Variants in GLIS1 observed in about 807,000 individuals in gnomAD.
GLIS1 encodes the protein GLIS family zinc finger 1, also known as zinc finger protein GLIS1.
A neutral mutation model predicts 63.8 loss-of-function variants in GLIS1; 24 were observed. The ratio of observed to expected loss-of-function variants is 0.38; its 90% CI spans 0.27 to 0.53. The LOEUF (loss-of-function observed/expected upper bound fraction) is 0.53. Among genes scored for constraint, GLIS1 ranks in the 20% least tolerant of loss-of-function variants. GLIS1 has a pLI of 0.85. For synonymous variants in GLIS1, 450 were observed against 482.5 expected (o/e 0.93, Z 0.88); for missense variants, 1,036 against 1,074.1 (o/e 0.96, Z 0.50).
At chr1:53,684,753 C>T (rs1232097431) in intron 2 of GLIS1, among the ~76,000 whole-genome samples, 5 of 152,246 alleles carry the variant, frequency 3.3e-5, no homozygotes, top group Non-Finnish European at 7.3e-5. Flanking sequence ...TGCCTCTCCT[C>T]TCCTCCTGGC....
chr1:53,562,206 T>C (rs1215235154), intron 4 of GLIS1, among the ~76,000 whole-genome samples: 6 of 152,056 alleles, frequency 3.9e-5, no homozygotes, highest in East Asian at 1.9e-4. Context: ...TTCCCAGAGA[T>C]GAATGAGCAG....
chr1:53,523,086 C>T (rs879609763), intron 6 of GLIS1, among the ~76,000 whole-genome samples: 4 of 150,762 alleles, frequency 2.7e-5, no homozygotes, highest in African/African-American at 9.8e-5. Flanking sequence ...CTCAGCCTTC[C>T]GAGTAGCTGG....
At chr1:53,645,895 T>C (rs1645840050) in intron 2 of GLIS1, among the ~76,000 whole-genome samples, 1 of 152,228 alleles carries the variant, frequency 6.6e-6, no homozygotes, top group South Asian at 2.1e-4. Flanking sequence ...GCAGTTCTTA[T>C]TCAATCAAAG....
At position 53,539,237 on chromosome 1, in the gene GLIS1, CAT is replaced by C. The variant is rs1379759973; in HGVS notation, c.1321-9287_1321-9286del. On this transcript the variant is annotated intron_variant, in intron 4 of 10. Transcript: ENST00000628545. The surrounding 1 kb of genome is among the most constrained non-coding windows in gnomAD (Gnocchi z 5.0). Reference sequence around the variant, plus strand: ...GCCCCAACACACACCAACACACACACATGGATTCACACACACACACACACCAA... The same window carrying C: ...GCCCCAACACACACCAACACACACACGGATTCACACACACACACACACCAA... Among the ~76,000 whole-genome samples the C allele has an allele frequency of 1.4e-4, 18 of 132,452 alleles. No individual in the cohort carries two copies. The highest frequency in any genetic ancestry group is 4.6e-4 in the African/African-American group (18 of 38,898). The allele number at this position is 132,452 out of a possible 152,430, so 86.9% of individuals were successfully genotyped here.
At chr1:53,717,777 C>T (rs529618621) in intron 2 of GLIS1, among the ~76,000 whole-genome samples, 11 of 152,126 alleles carry the variant, frequency 7.2e-5, no homozygotes, top group Non-Finnish European at 1.2e-4. Flanking sequence ...TCCCCCATCT[C>T]GAATGTAAGC....
chr1:53,692,624 G>A (rs1265332411), intron 2 of GLIS1, among the ~76,000 whole-genome samples: 1 of 152,218 alleles, frequency 6.6e-6, no homozygotes, highest in African/African-American at 2.4e-5. Context: ...CACTGTGGGT[G>A]TAGCTGGGGG....
chr1:53,737,478 C>T (rs1646922997), intron 2 of GLIS1, among the ~76,000 whole-genome samples: 1 of 152,174 alleles, frequency 6.6e-6, no homozygotes, highest in Non-Finnish European at 1.5e-5. Context: ...GAAACAGATA[C>T]CAATATATGC....
At chr1:53,607,718 A>G (rs1569909375) in intron 2 of GLIS1, among the ~76,000 whole-genome samples, 1 of 152,220 alleles carries the variant, frequency 6.6e-6, no homozygotes, top group Non-Finnish European at 1.5e-5. Flanking sequence ...TGGCTTCCCC[A>G]GTGTACTAGT....
At chr1:53,530,018 A>C in intron 4 of GLIS1, 66 bp from the exon 5 acceptor site, 4 of 1,493,178 alleles carry the variant, frequency 2.7e-6, no homozygotes, top group East Asian at 2.4e-5. Flanking sequence ...ATGGAAACTA[A>C]CCCCCCAGGC....
Position 53,594,381 on chromosome 1 carries a change from C to A in GLIS1, c.1047G>T (p.Pro349=). The change falls in exon 4 of 11, where the codon CCG becomes CCT. Residue 349 remains proline (P), a synonymous_variant. Coordinates refer to ENST00000628545, the MANE Select transcript of GLIS1 (RefSeq NM_001367484.1). ...LPPPYPLSQL[P]PGPSLGGLGL... is the part of the protein sequence containing the mutation. ...CCAGGCCTCCAAGGCTTGGGCCAGGCGGCAACTGAGACAGGGGATAGGGGG... is the reference window on the plus strand; with the variant it reads ...CCAGGCCTCCAAGGCTTGGGCCAGGAGGCAACTGAGACAGGGGATAGGGGG... 6.2e-7 allele frequency: 1 copy of A among 1,611,428 alleles called. No homozygotes were observed. The highest frequency in any genetic ancestry group is 8.5e-7 in the Non-Finnish European group (1 of 1,178,940).
intron 2 of GLIS1, among the ~76,000 whole-genome samples, chr1:53,711,126 G>A (rs1030500140): frequency 7.9e-5 from 12 of 152,112 alleles, no homozygotes; most frequent in African/African-American, 2.2e-4. Context: ...GTCACAGCAC[G>A]GCATACCCCA....
At chr1:53,554,456 A>G (rs1485526347) in intron 4 of GLIS1, among the ~76,000 whole-genome samples, 1 of 152,164 alleles carries the variant, frequency 6.6e-6, no homozygotes, top group South Asian at 2.1e-4. Context: ...CTATTCACAT[A>G]GGTTAGCTTA....
At chr1:53,696,682 G>A (rs1294322860) in intron 2 of GLIS1, among the ~76,000 whole-genome samples, 1 of 151,540 alleles carries the variant, frequency 6.6e-6, no homozygotes, top group Non-Finnish European at 1.5e-5. Flanking sequence ...CTTCCGTGCA[G>A]CCAAGCAGAG....
At chr1:53,611,172 C>T (rs1382560951) in intron 2 of GLIS1, among the ~76,000 whole-genome samples, 1 of 152,154 alleles carries the variant, frequency 6.6e-6, no homozygotes, top group African/African-American at 2.4e-5. Flanking sequence ...GCAGCTTCAA[C>T]TTCCCAGGCT....
At position 53,620,751 on chromosome 1, in the gene GLIS1, G is replaced by A. The variant is rs376720166; in HGVS notation, c.260-20473C>T. ...AAGAACACAAAAGAGCAGAAATCCC[G>A]GAGCCAGGCTGGAGGTGGAGGCAGC... On this transcript the variant is annotated intron_variant, in intron 2 of 10. Coordinates refer to ENST00000628545, the MANE Select transcript of GLIS1 (RefSeq NM_001367484.1). Among the ~76,000 whole-genome samples, 6 of 152,302 alleles carry A rather than the reference G, an allele frequency of 3.9e-5. No individual in the cohort carries two copies. The South Asian group carries it at 1.0e-3, about 26-fold the overall frequency.
At chr1:53,577,664 T>A (rs908326066) in intron 4 of GLIS1, among the ~76,000 whole-genome samples, 1 of 152,124 alleles carries the variant, frequency 6.6e-6, no homozygotes, top group African/African-American at 2.4e-5. Flanking sequence ...CCCATCATGG[T>A]GTCTGGGTAG....
chr1:53,692,564 G>T (rs1315006331), intron 2 of GLIS1, among the ~76,000 whole-genome samples: 1 of 152,248 alleles, frequency 6.6e-6, no homozygotes, highest in African/African-American at 2.4e-5. Context: ...CTGATTTAGA[G>T]TTTGGGGTTG....
intron 2 of GLIS1, among the ~76,000 whole-genome samples, chr1:53,631,588 C>T (rs942690417): frequency 3.3e-5 from 5 of 152,184 alleles, no homozygotes; most frequent in Non-Finnish European, 7.3e-5. Flanking sequence ...TCATGGCATT[C>T]ATCTTCTAAC....
intron 2 of GLIS1, among the ~76,000 whole-genome samples, chr1:53,737,406 GGCC>G (rs2100587656): frequency 6.6e-6 from 1 of 152,342 alleles, no homozygotes; most frequent in Admixed American, 6.5e-5. Flanking sequence ...TCTTGCTAAA[GGCC>G]TCTGGGTTTT....
Sources: gnomAD v4.1 joint callset for allele counts (sites outside exome capture counted in the v4.1 genomes callset) on GRCh38, gnomAD v4.1.1 for gene constraint, Gnocchi (gnomAD v3.1) non-coding constraint, MANE v1.5 for transcripts, NCBI Gene and HGNC (gene_info 2026-07-23, HGNC 2026-07-21) for gene names.